The following CXXC4 variants were observed in gnomAD, a reference collection of about 807,000 sequenced individuals.
The protein encoded by CXXC4 is CXXC-type zinc finger protein 4.
A neutral mutation model predicts 20.5 loss-of-function variants in CXXC4; 5 were observed. That is an observed-to-expected ratio of 0.24 (90% CI 0.13 to 0.51). The LOEUF is 0.51. Ranked by LOEUF, CXXC4 falls within the 20% of genes least tolerant of loss-of-function variation. The pLI is 0.97. For missense variants in CXXC4, 419 were observed against 496.4 expected (o/e 0.84, Z 1.48); for synonymous variants, 250 against 216.4 (o/e 1.16, Z -1.36).
chr4:104,488,036 G>A (rs1736740564), intron 2 of CXXC4, among the ~76,000 whole-genome samples: 1 of 152,108 alleles, frequency 6.6e-6, no homozygotes, highest in Non-Finnish European at 1.5e-5. Context: ...CAAGTCAAAG[G>A]GAAGAGTGGC....
At position 104,472,303 on chromosome 4, in the gene CXXC4, A is replaced by G. The variant is rs1736296524; in HGVS notation, c.*19T>C. On this transcript the variant is annotated 3_prime_UTR_variant, in exon 3 of 3. Coordinates refer to ENST00000394767, the MANE Select transcript of CXXC4 (RefSeq NM_025212.4). ...GCCCTTCATTTCCAAATGCCTTGAA[A>G]ATAAGATATACTACTGCTTTAAAAG... 1.3e-6 allele frequency: 2 copies of G among 1,568,512 alleles called. No homozygotes were observed. Among genetic ancestry groups the G allele is most frequent in the East Asian group, 4.5e-5 (2 of 44,006 alleles).
chr4:104,487,141 A>C (rs958546155), intron 2 of CXXC4, among the ~76,000 whole-genome samples: 1 of 152,160 alleles, frequency 6.6e-6, no homozygotes, highest in Non-Finnish European at 1.5e-5. Flanking sequence ...CTTCTTCCTG[A>C]CTTTCCAGTC....
intron 1 of CXXC4, among the ~76,000 whole-genome samples, chr4:104,493,050 G>GT (rs1053384891): frequency 2.1e-5 from 3 of 143,732 alleles, no homozygotes; most frequent in African/African-American, 7.6e-5. Flanking sequence ...TGAGTAAAAG[G>GT]GGGGGGGGCT....
At chr4:104,493,526 G>A (rs911309826) in intron 1 of CXXC4, among the ~76,000 whole-genome samples, 1 of 152,126 alleles carries the variant, frequency 6.6e-6, no homozygotes, top group African/African-American at 2.4e-5. Context: ...CTGATGAGGT[G>A]CTCTAAAAAG....
chr4:104,476,810 T>C (rs551543094), intron 2 of CXXC4, among the ~76,000 whole-genome samples: 1 of 152,280 alleles, frequency 6.6e-6, no homozygotes, highest in South Asian at 2.1e-4. Context: ...ATTATTTCTA[T>C]ACTAATCAAA....
intron 1 of CXXC4, among the ~76,000 whole-genome samples, chr4:104,493,485 C>T (rs898554860): frequency 6.6e-6 from 1 of 152,098 alleles, no homozygotes; most frequent in Non-Finnish European, 1.5e-5. Flanking sequence ...CAGTTATGCC[C>T]AAACTCCAAG....
chr4:104,490,201 T>C (rs1446331672), intron 2 of CXXC4, among the ~76,000 whole-genome samples: 2 of 152,276 alleles, frequency 1.3e-5, no homozygotes, highest in South Asian at 2.1e-4. Context: ...AGTAGAAAAA[T>C]GATTCTAGAA....
At chr4:104,494,099 T>C (rs1736977615) in intron 1 of CXXC4, among the ~76,000 whole-genome samples, 1 of 152,190 alleles carries the variant, frequency 6.6e-6, no homozygotes, top group Non-Finnish European at 1.5e-5. Flanking sequence ...TTATGCCCAG[T>C]ATCCAGGTCA....
chr4:104,479,073 G>A (rs1736491488), intron 2 of CXXC4, among the ~76,000 whole-genome samples: 1 of 152,046 alleles, frequency 6.6e-6, no homozygotes, highest in Non-Finnish European at 1.5e-5. Flanking sequence ...CAACAGCATA[G>A]CATTAGGTGA....
At chr4:104,474,149 A>G (rs115391590) in intron 2 of CXXC4, among the ~76,000 whole-genome samples, 1,705 of 152,072 alleles carry the variant, frequency 0.011, 22 homozygotes, top group South Asian at 0.03. Context: ...ACAGAACAAA[A>G]TCTGCCTGAG....
At chr4:104,493,555 A>G (rs867857282) in intron 1 of CXXC4, among the ~76,000 whole-genome samples, 4 of 152,196 alleles carry the variant, frequency 2.6e-5, no homozygotes, top group Admixed American at 6.5e-5. Flanking sequence ...ATGTAAACAA[A>G]TCCCTATTAG....
chr4:104,470,544 T>G lies in CXXC4; in HGVS notation c.*1778A>C, dbSNP rs1251576160. On this transcript the variant is annotated 3_prime_UTR_variant, in exon 3 of 3. Transcript: ENST00000394767. ...TCTTTTCTGTCCTATCGTATCCCAT[T>G]GAAATCTACAACTAAATTTTTAAAA... 6.6e-6 allele frequency: 1 copy of G among 152,104 alleles called. No individual in the cohort carries two copies. Among genetic ancestry groups the G allele is most frequent in the Non-Finnish European group, 1.5e-5 (1 of 67,986 alleles). 9.4% of individuals were successfully genotyped at this position (152,104 alleles called of 1,614,324 possible).
intron 2 of CXXC4, among the ~76,000 whole-genome samples, chr4:104,487,081 G>T (rs892597216): frequency 6.6e-6 from 1 of 152,130 alleles, no homozygotes; most frequent in African/African-American, 2.4e-5. Flanking sequence ...ACATTCGGCA[G>T]ATAGATTTTT....
rs1736181920 is a variant in CXXC4, at chr4:104,468,588, C to A, written c.*3734G>T. 6.6e-6 allele frequency: 1 copy of A among 151,304 alleles called. No individual in the cohort carries two copies. The highest frequency in any genetic ancestry group is 1.5e-5 in the Non-Finnish European group (1 of 67,814). 9.4% of individuals were successfully genotyped at this position (151,304 alleles called of 1,614,324 possible). A position where few individuals can be genotyped will look rare whatever the true frequency, so the allele number is the denominator to read the frequency against. ...CTGTGAAAGGAGTACATTTTGTGGC[C>A]CATGTTCCTGAAATATCTGTTTTGC... On this transcript the variant is annotated 3_prime_UTR_variant, in exon 3 of 3. Transcript: ENST00000394767.
At position 104,471,961 on chromosome 4, in the gene CXXC4, A is replaced by G. The variant is rs953438001; in HGVS notation, c.*361T>C. ...AGTACTGAAACACATATATTTGAAA[A>G]TGAAGTATAGATATGTACTTTGCAA... On this transcript the variant is annotated 3_prime_UTR_variant, in exon 3 of 3. Coordinates refer to ENST00000394767, the MANE Select transcript of CXXC4 (RefSeq NM_025212.4). 6.0e-6 allele frequency: 1 copy of G among 167,980 alleles called. No individual in the cohort carries two copies. Among genetic ancestry groups the G allele is most frequent in the African/African-American group, 2.4e-5 (1 of 41,944 alleles). 10.4% of individuals were successfully genotyped at this position (167,980 alleles called of 1,614,324 possible). A position where few individuals can be genotyped will look rare whatever the true frequency, so the allele number is the denominator to read the frequency against.
intron 2 of CXXC4, among the ~76,000 whole-genome samples, chr4:104,486,240 G>C (rs1443712398): frequency 3.3e-5 from 5 of 152,058 alleles, no homozygotes; most frequent in Admixed American, 3.3e-4. Context: ...TTTTTAAACT[G>C]ACAGTTAAAA....
At position 104,471,860 on chromosome 4, in the gene CXXC4, C is replaced by A. The variant is rs1248701136; in HGVS notation, c.*462G>T. 1.3e-5 allele frequency: 2 copies of A among 152,312 alleles called. No individual in the cohort carries two copies. The highest frequency in any genetic ancestry group is 2.9e-5 in the Non-Finnish European group (2 of 68,184). 9.4% of individuals were successfully genotyped at this position (152,312 alleles called of 1,614,324 possible). ...ATACTGTTGTGTACAAACTGTTAAT[C>A]TCCATAGATGCTCAGACATGATTGT... On this transcript the variant is annotated 3_prime_UTR_variant, in exon 3 of 3. Transcript: ENST00000394767.
rs903887264 is a variant in CXXC4 at position 104,470,975 on chromosome 4, T to C, written c.*1347A>G. The C allele has an allele frequency of 6.6e-6, 1 of 151,950 alleles. No homozygotes were observed. Among genetic ancestry groups the C allele is most frequent in the African/African-American group, 2.4e-5 (1 of 41,374 alleles). 9.4% of individuals were successfully genotyped at this position (151,950 alleles called of 1,614,324 possible). ...TGTGTAGGTTGTGGGGGGAGGGGTA[T>C]GTCATGCATTTATGAAATTCCAGAG... is the stretch of plus-strand genomic sequence containing the variant. On this transcript the variant is annotated 3_prime_UTR_variant, in exon 3 of 3. Transcript: ENST00000394767.
At position 104,491,376 on chromosome 4, in the gene CXXC4, A is replaced by C. The variant is rs757881643; in HGVS notation, c.427T>G (p.Ser143Ala). 58 of 1,362,460 alleles carry C rather than the reference A, an allele frequency of 4.3e-5. No individual in the cohort carries two copies. The highest frequency in any genetic ancestry group is 2.1e-4 in the South Asian group (11 of 52,888). The allele number at this position is 1,362,460 out of a possible 1,614,324, so 84.4% of individuals were successfully genotyped here. The change falls in exon 2 of 3, where the codon TCC (serine) becomes GCC (alanine). Residue 143 changes from serine to alanine, a missense_variant. Coordinates refer to ENST00000394767, the MANE Select transcript of CXXC4 (RefSeq NM_025212.4). ...GGRKSSSAAASSSASSSSAIL... is the reference protein window; with the variant it reads ...GGRKSSSAAAASSASSSSAIL... ...GCCGAGGAGGAGGAGGCGGAGGAGG[A>C]GGCGGCGGCGGAGGAGGATTTCCTG...
Sources: gnomAD v4.1 joint callset for allele counts (sites outside exome capture counted in the v4.1 genomes callset) on GRCh38, gnomAD v4.1.1 for gene constraint, MANE v1.5 for transcripts, NCBI Gene and HGNC (gene_info 2026-07-23, HGNC 2026-07-21) for gene names.